LRRC4C: variants seen among roughly 807,000 people sequenced by gnomAD.
The protein encoded by LRRC4C is leucine rich repeat containing 4C.
A neutral mutation model predicts 33.6 loss-of-function variants in LRRC4C; 5 were observed. That is an observed-to-expected ratio of 0.15 (90% CI 0.08 to 0.31). The LOEUF (loss-of-function observed/expected upper bound fraction) is 0.31, where lower values mean the gene tolerates loss of function less well. LRRC4C is among the 10% of genes least tolerant of loss of function. The pLI, the probability that LRRC4C is intolerant of heterozygous loss-of-function variation, is 1.00. For synonymous variants in LRRC4C, 329 were observed against 302.0 expected, an observed-to-expected ratio of 1.09 and a Z score of -0.93; for missense variants, 560 against 796.7, an observed-to-expected ratio of 0.70 and a Z score of 3.58.
intron 2 of LRRC4C, among the ~76,000 whole-genome samples, chr11:40,700,275 T>C (rs1945803955): frequency 6.6e-6 from 1 of 152,088 alleles, no homozygotes; most frequent in African/African-American, 2.4e-5. Context: ...TGGGAAAATA[T>C]CAATTACAGA....
rs367691135 is a variant in LRRC4C at position 41,317,354 on chromosome 11, T to C, written c.-496+142077A>G. Among the ~76,000 whole-genome samples, 242 of 152,340 alleles carry C rather than the reference T, an allele frequency of 1.6e-3. 1 individual carries two copies. The highest frequency in any genetic ancestry group is 5.4e-3 in the African/African-American group (226 of 41,574). ...TTTTAACTTTTACGGCCAAGTTTTA[T>C]GTGTAATACATGAGAGTTTCTTTCC... On this transcript the variant is annotated intron_variant, in intron 1 of 6. Transcript: ENST00000528697.
chr11:41,187,508 T>G (rs1438152709), intron 1 of LRRC4C, among the ~76,000 whole-genome samples: 1 of 152,112 alleles, frequency 6.6e-6, no homozygotes, highest in Non-Finnish European at 1.5e-5. Context: ...ACCTTCCCAC[T>G]CCATCCCCCT....
intron 1 of LRRC4C, among the ~76,000 whole-genome samples, chr11:41,042,813 G>C (rs1450755998): frequency 6.6e-6 from 1 of 152,074 alleles, no homozygotes; most frequent in African/African-American, 2.4e-5. Flanking sequence ...AAAAACCTCA[G>C]ACAATTACAG....
chr11:40,869,182 C>A (rs191630840), intron 2 of LRRC4C, among the ~76,000 whole-genome samples: 5 of 152,218 alleles, frequency 3.3e-5, no homozygotes, highest in African/African-American at 1.2e-4. Flanking sequence ...AAACACAACC[C>A]AGTTATGTTC....
chr11:40,163,202 C>T (rs1214535499), intron 5 of LRRC4C, among the ~76,000 whole-genome samples: 1 of 152,198 alleles, frequency 6.6e-6, no homozygotes, highest in African/African-American at 2.4e-5. Context: ...TGTGTAAGAA[C>T]ATTAATATCC....
At chr11:41,148,107 C>G (rs1943812848) in intron 1 of LRRC4C, among the ~76,000 whole-genome samples, 1 of 152,116 alleles carries the variant, frequency 6.6e-6, no homozygotes, top group South Asian at 2.1e-4. Context: ...TAACCTCCGC[C>G]TCCCAGGTCC....
chr11:41,079,535 A>T (rs1030122919), intron 1 of LRRC4C, among the ~76,000 whole-genome samples: 1 of 152,190 alleles, frequency 6.6e-6, no homozygotes, highest in Non-Finnish European at 1.5e-5. Context: ...AAGAGCAAAA[A>T]GATGTATTGC....
Position 40,318,629 on chromosome 11 carries a change from G to T in LRRC4C, c.-176+999C>A, listed in dbSNP as rs192264356. The stretch of plus-strand genomic sequence containing the variant: ...CCAATAAATAAATCCATGTACACGG[G>T]TTGTTTATTAAATTAGAGTTTCAAA... On this transcript the variant is annotated intron_variant, in intron 4 of 6. Transcript: ENST00000528697. 3.9e-5 allele frequency among the ~76,000 whole-genome samples: 6 copies of T among 152,098 alleles called. No homozygotes were observed. In the East Asian group the frequency reaches 5.8e-4, roughly 15 times the overall value.
chr11:40,825,465 A>G (rs1952121286), intron 2 of LRRC4C, among the ~76,000 whole-genome samples: 1 of 151,774 alleles, frequency 6.6e-6, no homozygotes, highest in South Asian at 2.1e-4. Context: ...TGACATCTAA[A>G]CTCAGTCCTT....
intron 3 of LRRC4C, among the ~76,000 whole-genome samples, chr11:40,362,800 C>T (rs1223968588): frequency 6.6e-6 from 1 of 152,122 alleles, no homozygotes. Flanking sequence ...GTGAAGCCAA[C>T]AAGTACATGA....
chr11:41,311,505 T>C (rs1015014677), intron 1 of LRRC4C, among the ~76,000 whole-genome samples: 2 of 152,222 alleles, frequency 1.3e-5, no homozygotes, highest in Non-Finnish European at 1.5e-5. Flanking sequence ...TCTAACTTCC[T>C]CTACTGTATT....
intron 1 of LRRC4C, among the ~76,000 whole-genome samples, chr11:41,295,698 A>C (rs1312075718): frequency 6.6e-6 from 1 of 151,966 alleles, no homozygotes; most frequent in South Asian, 2.1e-4. Flanking sequence ...AATATCACAG[A>C]TCATATCATA....
chr11:40,977,266 C>G (rs1260566863), intron 1 of LRRC4C, among the ~76,000 whole-genome samples: 1 of 152,172 alleles, frequency 6.6e-6, no homozygotes, highest in Non-Finnish European at 1.5e-5. Flanking sequence ...TGGTTCCTAA[C>G]AGGCCAGGGA....
At chr11:41,035,138 C>T (rs761080779) in intron 1 of LRRC4C, among the ~76,000 whole-genome samples, 2 of 150,424 alleles carry the variant, frequency 1.3e-5, no homozygotes, top group African/African-American at 2.4e-5. Context: ...TGCAGCGAGC[C>T]GATATTGTGC....
chr11:40,969,946 G>T (rs560016560), intron 1 of LRRC4C, among the ~76,000 whole-genome samples: 2 of 152,258 alleles, frequency 1.3e-5, no homozygotes, highest in South Asian at 4.1e-4. Context: ...TTGATCAATA[G>T]AACAAGGCAG....
chr11:40,571,182 T>C (rs2135565353), intron 3 of LRRC4C, among the ~76,000 whole-genome samples: 1 of 152,266 alleles, frequency 6.6e-6, no homozygotes. Context: ...ATACAGGATG[T>C]GTTCTGATTT....
chr11:40,412,082 T>C (rs1364670471), intron 3 of LRRC4C, among the ~76,000 whole-genome samples: 1 of 152,050 alleles, frequency 6.6e-6, no homozygotes, highest in South Asian at 2.1e-4. Flanking sequence ...AAAACTCTTA[T>C]TTTGCTATGA....
chr11:40,160,627 T>C (rs1226498219), intron 5 of LRRC4C, among the ~76,000 whole-genome samples: 1 of 152,166 alleles, frequency 6.6e-6, no homozygotes, highest in African/African-American at 2.4e-5. Flanking sequence ...GTCAGCAATA[T>C]GCCATCACTC....
At chr11:40,872,341 T>A (rs1215776649) in intron 2 of LRRC4C, among the ~76,000 whole-genome samples, 1 of 152,140 alleles carries the variant, frequency 6.6e-6, no homozygotes, top group Non-Finnish European at 1.5e-5. Context: ...GCAAATGTTT[T>A]ATGCTTGTCA....
Sources: gnomAD v4.1 joint callset for allele counts (sites outside exome capture counted in the v4.1 genomes callset) on GRCh38, gnomAD v4.1.1 for gene constraint, MANE v1.5 for transcripts, NCBI Gene and HGNC (gene_info 2026-07-23, HGNC 2026-07-21) for gene names.